The following MYT1L variants were observed in gnomAD, a reference collection of about 807,000 sequenced individuals.
The protein encoded by MYT1L is myelin transcription factor 1-like protein.
In MYT1L, 12 loss-of-function variants were observed where a neutral mutation model predicts 126.7. The ratio of observed to expected loss-of-function variants is 0.09; its 90% CI spans 0.06 to 0.15. MYT1L has a LOEUF of 0.15. Ranked by LOEUF, MYT1L falls within the 10% of genes least tolerant of loss-of-function variation. The pLI, the probability that MYT1L is intolerant of heterozygous loss-of-function variation, is 1.00. For missense variants in MYT1L, 979 were observed against 1,585.2 expected (o/e 0.62, Z 6.49); for synonymous variants, 541 against 604.2 (o/e 0.90, Z 1.53).
intron 1 of MYT1L, chr2:2,325,248 CT>C (rs1265360690): frequency 6.6e-6 from 1 of 152,150 alleles, no homozygotes; most frequent in Non-Finnish European, 1.5e-5. Flanking sequence ...CCTGTCACTT[CT>C]TAAAATAAAA....
Position 1,912,155 on chromosome 2 carries a change from G to T in MYT1L, c.1619-45C>A, listed in dbSNP as rs1401113583. On this transcript the variant is annotated intron_variant, in intron 11 of 24. Transcript: ENST00000647738. This position sits in a 1 kb window ranked among gnomAD's most constrained non-coding sequence, Gnocchi z 4.3. The stretch of plus-strand genomic sequence containing the variant: ...GAGAACAGCCAGTGTTAAAACAGAG[G>T]CACGGTTAGGGCACATGAAAATGCA... The T allele has an allele frequency of 7.2e-7, 1 of 1,381,474 alleles. No homozygotes were observed. The highest frequency in any genetic ancestry group is 1.0e-6 in the Non-Finnish European group (1 of 996,678). The allele number at this position is 1,381,474 out of a possible 1,614,324, so 85.6% of individuals were successfully genotyped here.
chr2:1,869,503 G>A (rs1270728463), intron 18 of MYT1L, among the ~76,000 whole-genome samples: 3 of 152,186 alleles, frequency 2.0e-5, no homozygotes, highest in African/African-American at 7.2e-5. Flanking sequence ...TAACAGAGAT[G>A]GGACTCCGTG....
At chr2:2,088,633 A>G (rs1398845996) in intron 3 of MYT1L, among the ~76,000 whole-genome samples, 2 of 152,144 alleles carry the variant, frequency 1.3e-5, no homozygotes, top group Non-Finnish European at 2.9e-5. Context: ...TTTACTGGAA[A>G]AAAAAAAAGA....
rs968804165 is a variant in MYT1L at position 1,848,800 on chromosome 2, G to A, written c.2774+2841C>T. On this transcript the variant is annotated intron_variant, in intron 19 of 24. Coordinates refer to ENST00000647738, the MANE Select transcript of MYT1L (RefSeq NM_001303052.2). The surrounding 1 kb of genome is among the most constrained non-coding windows in gnomAD (Gnocchi z 4.8). ...GGGGGCTTTATGTAAGGACTGTCAC[G>A]TGGAGGCAACACTTCTGCTGAGCAA... Among the ~76,000 whole-genome samples the A allele has an allele frequency of 1.3e-5, 2 of 152,122 alleles. No homozygotes were observed. The highest frequency in any genetic ancestry group is 1.9e-4 in the East Asian group (1 of 5,170).
intron 1 of MYT1L, among the ~76,000 whole-genome samples, chr2:2,312,150 C>T (rs1366596385): frequency 6.6e-6 from 1 of 152,174 alleles, no homozygotes; most frequent in Non-Finnish European, 1.5e-5. Context: ...TGATGCTCCT[C>T]ATGCTCCCTT....
intron 2 of MYT1L, among the ~76,000 whole-genome samples, chr2:2,213,140 A>C (rs2093579271): frequency 6.6e-6 from 1 of 152,236 alleles, no homozygotes; most frequent in Admixed American, 6.5e-5. Flanking sequence ...CCAACCAAGC[A>C]AAAATGCAAA....
chr2:1,989,965 C>T (rs2061345587), intron 5 of MYT1L, among the ~76,000 whole-genome samples: 1 of 152,178 alleles, frequency 6.6e-6, no homozygotes, highest in South Asian at 2.1e-4. Context: ...CCATTGCACT[C>T]CAGCCTGGGC....
At chr2:2,260,434 A>G (rs2094933454) in intron 2 of MYT1L, among the ~76,000 whole-genome samples, 1 of 152,240 alleles carries the variant, frequency 6.6e-6, no homozygotes, top group Non-Finnish European at 1.5e-5. Context: ...CTGAAGAACC[A>G]TAGTGATAAA....
intron 1 of MYT1L, among the ~76,000 whole-genome samples, chr2:2,296,923 T>G (rs1041931632): frequency 1.3e-5 from 2 of 152,132 alleles, no homozygotes; most frequent in African/African-American, 4.8e-5. Context: ...AAACAAATGA[T>G]GCTCACTTTA....
At chr2:2,154,902 A>G (rs150270263) in intron 3 of MYT1L, among the ~76,000 whole-genome samples, 4,754 of 152,214 alleles carry the variant, frequency 0.031, 259 homozygotes, top group African/African-American at 0.1. Flanking sequence ...TGAGGCAGGC[A>G]AATCACCTGA....
At chr2:2,018,047 C>T (rs1413196922) in intron 4 of MYT1L, among the ~76,000 whole-genome samples, 1 of 152,138 alleles carries the variant, frequency 6.6e-6, no homozygotes, top group African/African-American at 2.4e-5. Flanking sequence ...CACACAAACG[C>T]ACACACGTAC....
chr2:1,964,309 G>A (rs1240620862), intron 8 of MYT1L, among the ~76,000 whole-genome samples: 4 of 152,144 alleles, frequency 2.6e-5, no homozygotes, highest in South Asian at 2.1e-4. Flanking sequence ...GACCACAGAC[G>A]CCATAACAGA....
At chr2:2,262,399 A>G (rs188735575) in intron 2 of MYT1L, among the ~76,000 whole-genome samples, 1 of 151,772 alleles carries the variant, frequency 6.6e-6, no homozygotes, top group African/African-American at 2.4e-5. Context: ...ACAAAAAAAA[A>G]CCAAATAATT....
chr2:1,931,398 C>T (rs941350235), intron 9 of MYT1L, among the ~76,000 whole-genome samples: 7 of 150,322 alleles, frequency 4.7e-5, no homozygotes, highest in Admixed American at 2.6e-4. Context: ...ACGTCTGCTG[C>T]GCCTTGCAAG....
At chr2:2,293,323 A>G (rs956995447) in intron 1 of MYT1L, among the ~76,000 whole-genome samples, 5 of 152,204 alleles carry the variant, frequency 3.3e-5, no homozygotes, top group Non-Finnish European at 7.3e-5. Flanking sequence ...GCACTAAGGA[A>G]AAAGGAAGAG....
chr2:2,074,982 C>G (rs1041238771), intron 3 of MYT1L, among the ~76,000 whole-genome samples: 3 of 152,194 alleles, frequency 2.0e-5, no homozygotes, highest in African/African-American at 7.2e-5. Context: ...CGAATCACAA[C>G]CTTACACATA....
At chr2:2,175,904 G>A (rs1031147569) in intron 2 of MYT1L, among the ~76,000 whole-genome samples, 1 of 152,202 alleles carries the variant, frequency 6.6e-6, no homozygotes, top group Non-Finnish European at 1.5e-5. Context: ...ACAGCCGTAG[G>A]AGCTCCTTGC....
intron 3 of MYT1L, among the ~76,000 whole-genome samples, chr2:2,136,053 A>C (rs1280134109): frequency 6.6e-6 from 1 of 152,178 alleles, no homozygotes; most frequent in African/African-American, 2.4e-5. Context: ...CATAAAAGAG[A>C]ATGAGTTCAT....
intron 1 of MYT1L, chr2:2,325,324 T>A (rs1291399950): frequency 6.6e-6 from 1 of 152,222 alleles, no homozygotes. Flanking sequence ...CCAACCTCAC[T>A]ATATTATTCT....
Sources: gnomAD v4.1 joint callset for allele counts (sites outside exome capture counted in the v4.1 genomes callset) on GRCh38, gnomAD v4.1.1 for gene constraint, Gnocchi (gnomAD v3.1) non-coding constraint, MANE v1.5 for transcripts, NCBI Gene and HGNC (gene_info 2026-07-23, HGNC 2026-07-21) for gene names.